Variants in PLXDC2 observed in about 807,000 individuals in gnomAD.
The protein encoded by PLXDC2 is plexin domain containing 2.
In PLXDC2, 40 loss-of-function variants were observed where a neutral mutation model predicts 68.9. The observed-to-expected ratio is 0.58, with a 90% CI of 0.45 to 0.76. PLXDC2 has a LOEUF of 0.76. PLXDC2 is among the 30% of genes least tolerant of loss of function. The probability of loss-of-function intolerance (pLI) is 0.00; values close to 1 mark genes in which losing one functional copy is unlikely to be tolerated. For synonymous variants in PLXDC2, 243 were observed against 234.2 expected, an observed-to-expected ratio of 1.04 and a Z score of -0.34; for missense variants, 644 against 661.9, an observed-to-expected ratio of 0.97 and a Z score of 0.30.
intron 1 of PLXDC2, among the ~76,000 whole-genome samples, chr10:19,976,026 G>T (rs778248957): frequency 1.7e-4 from 26 of 151,982 alleles, no homozygotes; most frequent in Non-Finnish European, 3.5e-4. Flanking sequence ...AAAAGAATAC[G>T]TTGGAGATAA....
At chr10:20,014,660 G>T (rs1835179335) in intron 2 of PLXDC2, among the ~76,000 whole-genome samples, 1 of 152,028 alleles carries the variant, frequency 6.6e-6, no homozygotes, top group African/African-American at 2.4e-5. Flanking sequence ...GTTTGCTATG[G>T]TTTGAGCAGA....
chr10:19,870,085 T>A (rs1199277906), intron 1 of PLXDC2, among the ~76,000 whole-genome samples: 1 of 152,200 alleles, frequency 6.6e-6, no homozygotes, highest in Non-Finnish European at 1.5e-5. Flanking sequence ...AAAGTAAGGA[T>A]TTCTTTGTAA....
rs751888193 is a variant in PLXDC2 at position 20,026,136 on chromosome 10, A to G, written c.325-20733A>G. 2.2e-4 allele frequency among the ~76,000 whole-genome samples: 33 copies of G among 152,226 alleles called. No homozygotes were observed. In the Middle Eastern group the frequency reaches 0.01, roughly 47 times the overall value. ...TTCATCTGAGATGCATAGGTAAATC[A>G]AGTGGTTCTAGATTATGTTATTAAG... On this transcript the variant is annotated intron_variant, in intron 2 of 13. Coordinates refer to ENST00000377252, the MANE Select transcript of PLXDC2 (RefSeq NM_032812.9).
At chr10:19,828,283 A>G (rs750401707) in intron 1 of PLXDC2, among the ~76,000 whole-genome samples, 10 of 152,364 alleles carry the variant, frequency 6.6e-5, no homozygotes, top group South Asian at 2.1e-4. Flanking sequence ...TAGCTGATTC[A>G]TTTCGATCCC....
At chr10:20,193,267 G>T (rs1297552118) in intron 9 of PLXDC2, among the ~76,000 whole-genome samples, 1 of 152,016 alleles carries the variant, frequency 6.6e-6, no homozygotes. Flanking sequence ...GTACAAGTTT[G>T]CCAGATAAAT....
intron 2 of PLXDC2, among the ~76,000 whole-genome samples, chr10:20,004,356 G>A (rs888026696): frequency 2.0e-5 from 3 of 152,184 alleles, no homozygotes; most frequent in Admixed American, 1.3e-4. Flanking sequence ...ATCTATAAGA[G>A]GCTATTCTGA....
chr10:20,049,476 A>C (rs906475541), intron 3 of PLXDC2, among the ~76,000 whole-genome samples: 5 of 152,124 alleles, frequency 3.3e-5, no homozygotes, highest in African/African-American at 1.2e-4. Context: ...GTCTAGGCCC[A>C]AAAACTCCTT....
chr10:20,147,833 T>C lies in PLXDC2; in HGVS notation c.714T>C (p.Tyr238=). 1.9e-6 allele frequency: 3 copies of C among 1,613,680 alleles called. No homozygotes were observed. Among genetic ancestry groups the C allele is most frequent in the Non-Finnish European group, 2.5e-6 (3 of 1,179,616 alleles). ...ACCATGTACATCTCCAGGATAATTA[T>C]AACCTGGGAAGCTTCACATTCCAGG... The part of the protein sequence containing the change: ...QWDHVHLQDN[Y]NLGSFTFQAT... The change falls in exon 6 of 14, where the codon TAT becomes TAC. Residue 238 remains tyrosine, a synonymous_variant. Coordinates refer to ENST00000377252, the MANE Select transcript of PLXDC2 (RefSeq NM_032812.9).
intron 1 of PLXDC2, among the ~76,000 whole-genome samples, chr10:19,868,678 T>A (rs906300759): frequency 6.6e-5 from 10 of 152,246 alleles, no homozygotes; most frequent in Non-Finnish European, 1.5e-5. Context: ...TCTGTTGATT[T>A]ATTTTCAAAA....
At chr10:20,274,824 C>G (rs1157814290) in intron 13 of PLXDC2, among the ~76,000 whole-genome samples, 1 of 143,614 alleles carries the variant, frequency 7.0e-6, no homozygotes, top group African/African-American at 2.6e-5. Flanking sequence ...CCCATAGATA[C>G]AATTGACAAA....
At chr10:20,014,345 C>T (rs1400071022) in intron 2 of PLXDC2, among the ~76,000 whole-genome samples, 2 of 125,232 alleles carry the variant, frequency 1.6e-5, no homozygotes, top group Non-Finnish European at 3.3e-5. Context: ...CACCTCCCTC[C>T]CTCCTTCCCT....
intron 1 of PLXDC2, among the ~76,000 whole-genome samples, chr10:19,991,246 CA>C (rs372597238): frequency 8.5e-4 from 111 of 130,624 alleles, no homozygotes; most frequent in Middle Eastern, 4.3e-3. Flanking sequence ...AACTCTCTCT[CA>C]AAAAAAAAAA....
At chr10:20,118,801 C>T (rs1833656174) in intron 4 of PLXDC2, among the ~76,000 whole-genome samples, 1 of 152,092 alleles carries the variant, frequency 6.6e-6, no homozygotes, top group Non-Finnish European at 1.5e-5. Flanking sequence ...TCATATAATT[C>T]TCACAGAGGC....
chr10:20,099,339 CTT>C (rs1485170012), intron 4 of PLXDC2, among the ~76,000 whole-genome samples: 1 of 152,104 alleles, frequency 6.6e-6, no homozygotes, highest in Non-Finnish European at 1.5e-5. Context: ...AGAAATTTCT[CTT>C]TTAAGGTCTG....
At chr10:20,004,771 T>C (rs1168802745) in intron 2 of PLXDC2, among the ~76,000 whole-genome samples, 1 of 152,152 alleles carries the variant, frequency 6.6e-6, no homozygotes, top group Non-Finnish European at 1.5e-5. Flanking sequence ...CTCCTGAAAA[T>C]ACAATCCCGG....
intron 1 of PLXDC2, among the ~76,000 whole-genome samples, chr10:19,923,350 T>C (rs1055680538): frequency 2.2e-4 from 34 of 152,120 alleles, no homozygotes; most frequent in Non-Finnish European, 8.8e-5. Flanking sequence ...GTTAGAACAA[T>C]GACAATCCAA....
chr10:19,953,424 C>T (rs1374637826), intron 1 of PLXDC2, among the ~76,000 whole-genome samples: 1 of 152,172 alleles, frequency 6.6e-6, no homozygotes, highest in African/African-American at 2.4e-5. Flanking sequence ...TTCACACGTG[C>T]TTGTTTGTTA....
At chr10:20,188,379 A>G (rs933589297) in intron 9 of PLXDC2, among the ~76,000 whole-genome samples, 4 of 151,688 alleles carry the variant, frequency 2.6e-5, no homozygotes, top group Non-Finnish European at 5.9e-5. Flanking sequence ...TGTCTGGCTT[A>G]TTTCACAGCA....
At chr10:20,052,119 A>G (rs1281755731) in intron 3 of PLXDC2, among the ~76,000 whole-genome samples, 1 of 151,982 alleles carries the variant, frequency 6.6e-6, no homozygotes, top group East Asian at 1.9e-4. Flanking sequence ...AATATTAACT[A>G]GTTTCCATTT....
Sources: gnomAD v4.1 joint callset for allele counts (sites outside exome capture counted in the v4.1 genomes callset) on GRCh38, gnomAD v4.1.1 for gene constraint, MANE v1.5 for transcripts, NCBI Gene and HGNC (gene_info 2026-07-23, HGNC 2026-07-21) for gene names.